KIN: variants seen among roughly 807,000 people sequenced by gnomAD.
KIN encodes Kin17 DNA and RNA binding protein.
Under a neutral mutation model 63.0 loss-of-function variants are expected in KIN, and 47 were observed. That is an observed-to-expected ratio of 0.75 (90% CI 0.59 to 0.95). The LOEUF is 0.95. KIN is among the 40% of genes least tolerant of loss of function. The pLI is 0.00. For synonymous variants in KIN, 160 were observed against 157.7 expected, an observed-to-expected ratio of 1.01 and a Z score of -0.11; for missense variants, 408 against 460.9, an observed-to-expected ratio of 0.89 and a Z score of 1.05.
rs1835299319 is a variant in KIN at position 7,754,670 on chromosome 10, C to G, written c.*1410G>C. ...AAAAGAAAAAGAAAAGATAGATCATCTCTCTCTTCCCGGTGCTGCTGAAGG... is the reference window on the plus strand; with the variant it reads ...AAAAGAAAAAGAAAAGATAGATCATGTCTCTCTTCCCGGTGCTGCTGAAGG... On this transcript the variant is annotated 3_prime_UTR_variant, in exon 13 of 13. Transcript: ENST00000379562. 1 of 151,732 alleles carries G rather than the reference C, an allele frequency of 6.6e-6. No homozygotes were observed. The highest frequency in any genetic ancestry group is 1.5e-5 in the Non-Finnish European group (1 of 68,086). The allele number at this position is 151,732 out of a possible 1,614,324, so 9.4% of individuals were successfully genotyped here.
At position 7,762,312 on chromosome 10, in the gene KIN, CCAAA is replaced by C. The variant is rs1835450890; in HGVS notation, c.1018+141_1018+144del. On this transcript the variant is annotated intron_variant, in intron 11 of 12. Coordinates refer to ENST00000379562, the MANE Select transcript of KIN (RefSeq NM_012311.4). Reference sequence around the variant, plus strand: ...CCAGTAAACTACGATGCCCTTGAATCCAAACAGAGATGAGTTACGCTGGCAGTTA... The same window carrying C: ...CCAGTAAACTACGATGCCCTTGAATCCAGAGATGAGTTACGCTGGCAGTTA... 6.2e-6 allele frequency: 3 copies of C among 483,112 alleles called. No homozygotes were observed. In the South Asian group the frequency reaches 1.3e-4, roughly 21 times the overall value. 29.9% of individuals were successfully genotyped at this position (483,112 alleles called of 1,614,324 possible).
chr10:7,768,912 G>T lies in KIN; in HGVS notation c.798+304C>A, dbSNP rs143438889. On this transcript the variant is annotated intron_variant, in intron 8 of 12. Coordinates refer to ENST00000379562, the MANE Select transcript of KIN (RefSeq NM_012311.4). ...AGCGCCTGCAATCCCAGCTACTTGG[G>T]AGGCTGAGCCAGGAGAATCATTTGA... Among the ~76,000 whole-genome samples, 1,064 of 152,198 alleles carry T rather than the reference G, an allele frequency of 7.0e-3. 12 individuals are homozygous for T. Among genetic ancestry groups the T allele is most frequent in the African/African-American group, 0.023 (949 of 41,508 alleles).
rs1305958316 is a variant in KIN, at chr10:7,754,313, T to A, written c.*1767A>T. On this transcript the variant is annotated 3_prime_UTR_variant, in exon 13 of 13. Transcript: ENST00000379562. ...TTGTGCCACTGCACTCCAGGCTGGATGACAGAGCAAGACCCTATCTCAAAA... is the reference window on the plus strand; with the variant it reads ...TTGTGCCACTGCACTCCAGGCTGGAAGACAGAGCAAGACCCTATCTCAAAA... The A allele has an allele frequency of 3.1e-6, 1 of 324,576 alleles. No individual in the cohort carries two copies. Among genetic ancestry groups the A allele is most frequent in the Admixed American group, 4.0e-5 (1 of 24,862 alleles). 20.1% of individuals were successfully genotyped at this position (324,576 alleles called of 1,614,324 possible).
intron 6 of KIN, 127 bp from the exon 7 acceptor site, chr10:7,775,018 G>C: frequency 2.9e-6 from 2 of 685,794 alleles, no homozygotes; most frequent in Non-Finnish European, 5.0e-6. Context: ...GAGCTAAAAT[G>C]TTCCTATACG....
chr10:7,752,292 T>C lies in KIN; in HGVS notation c.*3788A>G, dbSNP rs1430025072. 1 of 152,188 alleles carries C rather than the reference T, an allele frequency of 6.6e-6. No individual in the cohort carries two copies. The highest frequency in any genetic ancestry group is 2.1e-4 in the South Asian group (1 of 4,836). 9.4% of individuals were successfully genotyped at this position (152,188 alleles called of 1,614,324 possible). On this transcript the variant is annotated 3_prime_UTR_variant, in exon 13 of 13. Transcript: ENST00000379562. ...CTGAAAGACATCTCACCAGAGAAGA[T>C]ATACAGGTGGCAAATAAGCCCATGA...
intron 10 of KIN, among the ~76,000 whole-genome samples, chr10:7,762,973 A>G (rs796359159): frequency 2.6e-5 from 4 of 152,304 alleles, no homozygotes; most frequent in African/African-American, 9.6e-5. Flanking sequence ...ATCTCAGAGT[A>G]GGCCGGGTGC....
chr10:7,782,741 C>G (rs1835922979), intron 2 of KIN, among the ~76,000 whole-genome samples: 1 of 152,072 alleles, frequency 6.6e-6, no homozygotes, highest in Admixed American at 6.6e-5. Context: ...CACAGAAAAA[C>G]TTAAGTAGGT....
intron 4 of KIN, 89 bp downstream of exon 4, chr10:7,779,967 A>T (rs758512827): frequency 2.1e-6 from 3 of 1,425,484 alleles, no homozygotes; most frequent in Non-Finnish European, 2.9e-6. Context: ...CACTGACCCA[A>T]TTTTTTTTCT....
chr10:7,761,639 A>G (rs573609049), intron 11 of KIN, among the ~76,000 whole-genome samples: 17 of 152,220 alleles, frequency 1.1e-4, no homozygotes, highest in Non-Finnish European at 2.2e-4. Flanking sequence ...GCCACTGTCA[A>G]GATGCAATCA....
chr10:7,773,769 G>T (rs1835712196), intron 7 of KIN, among the ~76,000 whole-genome samples: 1 of 152,108 alleles, frequency 6.6e-6, no homozygotes, highest in Admixed American at 6.5e-5. Flanking sequence ...AAGTAAAATA[G>T]AAAATATCAT....
rs191273158 is a variant in KIN, at chr10:7,782,194, G to A, written c.209+887C>T. ...TCAATATTTTTTAAAAGTATAAAGG[G>A]GTCCTAGGACCAAAATGTCTAGAAG... On this transcript the variant is annotated intron_variant, in intron 2 of 12. Transcript: ENST00000379562. Among the ~76,000 whole-genome samples, 138 of 152,056 alleles carry A rather than the reference G, an allele frequency of 9.1e-4. 2 individuals are homozygous for A. The highest frequency in any genetic ancestry group is 3.2e-3 in the African/African-American group (133 of 41,454).
At chr10:7,774,630 C>A (rs1236437497) in intron 7 of KIN, among the ~76,000 whole-genome samples, 1 of 151,144 alleles carries the variant, frequency 6.6e-6, no homozygotes, top group Non-Finnish European at 1.5e-5. Context: ...GAGTTCGAGG[C>A]CAGCCTGGGC....
At chr10:7,778,575 C>T (rs577362146) in intron 5 of KIN, among the ~76,000 whole-genome samples, 2 of 152,220 alleles carry the variant, frequency 1.3e-5, no homozygotes, top group East Asian at 3.9e-4. Context: ...CCTGTCTCTA[C>T]TAACAATACA....
At position 7,751,642 on chromosome 10, in the gene KIN, T is replaced by A. The variant is rs149160465; in HGVS notation, c.*4438A>T. 2.0e-5 allele frequency: 3 copies of A among 152,348 alleles called. No homozygotes were observed. Among genetic ancestry groups the A allele is most frequent in the African/African-American group, 4.8e-5 (2 of 41,580 alleles). The allele number at this position is 152,348 out of a possible 1,614,324, so 9.4% of individuals were successfully genotyped here. On this transcript the variant is annotated 3_prime_UTR_variant, in exon 13 of 13. Transcript: ENST00000379562. Reference sequence around the variant, plus strand: ...TCTTCTTCTATAAGAAGTGCTCACCTATGATACCCTTTTGAAAAACCTACT... The same window carrying A: ...TCTTCTTCTATAAGAAGTGCTCACCAATGATACCCTTTTGAAAAACCTACT...
chr10:7,765,284 C>T (rs1446022014), intron 9 of KIN, among the ~76,000 whole-genome samples: 1 of 151,498 alleles, frequency 6.6e-6, no homozygotes, highest in Non-Finnish European at 1.5e-5. Flanking sequence ...AAGAGTAAAA[C>T]CTTGTCTCTA....
intron 7 of KIN, among the ~76,000 whole-genome samples, chr10:7,771,764 G>A (rs958039282): frequency 6.6e-6 from 1 of 151,958 alleles, no homozygotes; most frequent in South Asian, 2.1e-4. Flanking sequence ...GCATGGTGGT[G>A]CATGCCTGTA....
chr10:7,775,786 A>G lies in KIN; in HGVS notation c.572T>C (p.Phe191Ser). 1 of 1,554,712 alleles carries G rather than the reference A, an allele frequency of 6.4e-7. No individual in the cohort carries two copies. Among genetic ancestry groups the G allele is most frequent in the Non-Finnish European group, 8.7e-7 (1 of 1,145,350 alleles). ...ATCATTTTCTCTGCTTAATTCCGTAAAAGTAGGGACCTCCTAAAAAAAAGA... is the reference window on the plus strand; with the variant it reads ...ATCATTTTCTCTGCTTAATTCCGTAGAAGTAGGGACCTCCTAAAAAAAAGA... ...LEGKEQEVPT[F>S]TELSRENDEE... Residue 191 changes from phenylalanine (F) to serine (S), a missense_variant, in exon 6 of 13, where the codon TTT becomes TCT. Phe to Ser is a radical substitution (Grantham distance 155). Around this residue, in one of 2 missense-constraint regions of KIN, gnomAD observed 298 missense variants for 296.0 expected, o/e 1.01. Transcript: ENST00000379562.
rs117761795 is a variant in KIN at position 7,787,585 on chromosome 10, C to T, written c.114+235G>A. On this transcript the variant is annotated intron_variant, in intron 1 of 12. Transcript: ENST00000379562. ...ATTTCATTTCTTTGGTGGTGGGGATCGGACTGGGGAGGAATGAGGGGTCGC... is the reference window on the plus strand; with the variant it reads ...ATTTCATTTCTTTGGTGGTGGGGATTGGACTGGGGAGGAATGAGGGGTCGC... 2.4e-4 allele frequency among the ~76,000 whole-genome samples: 36 copies of T among 152,280 alleles called. No individual in the cohort carries two copies. The East Asian group carries it at 6.2e-3, about 26-fold the overall frequency.
chr10:7,785,961 T>C (rs1253230598), intron 1 of KIN, among the ~76,000 whole-genome samples: 1 of 152,182 alleles, frequency 6.6e-6, no homozygotes, highest in Non-Finnish European at 1.5e-5. Context: ...TTTTGTGAGA[T>C]TTTATAATGG....
Sources: gnomAD v4.1 joint callset for allele counts (sites outside exome capture counted in the v4.1 genomes callset) on GRCh38, gnomAD v4.1.1 for gene constraint, gnomAD v4.1.1 regional missense constraint, MANE v1.5 for transcripts, NCBI Gene and HGNC (gene_info 2026-07-23, HGNC 2026-07-21) for gene names.